RNF38: variants seen among roughly 807,000 people sequenced by gnomAD.
RNF38 encodes the protein E3 ubiquitin-protein ligase RNF38.
RNF38 carries 15 observed loss-of-function variants against 67.2 expected under a neutral mutation model. The observed-to-expected ratio is 0.22, with a 90% CI of 0.15 to 0.34. The LOEUF (loss-of-function observed/expected upper bound fraction) is 0.34. Ranked by LOEUF, RNF38 falls within the 10% of genes least tolerant of loss-of-function variation. The pLI is 1.00. For missense variants in RNF38, 524 were observed against 639.9 expected, an observed-to-expected ratio of 0.82 and a Z score of 1.95; for synonymous variants, 220 against 218.8, an observed-to-expected ratio of 1.01 and a Z score of -0.05.
intron 4 of RNF38, among the ~76,000 whole-genome samples, chr9:36,358,881 G>A (rs909357540): frequency 6.6e-6 from 1 of 152,080 alleles, no homozygotes; most frequent in Non-Finnish European, 1.5e-5. Context: ...AGTGGTGGCG[G>A]GTGCCTGTAA....
exon 2 of RNF38, chr9:36,424,647 T>C (rs189525424): frequency 1.0e-6 from 1 of 985,694 alleles, no homozygotes; most frequent in African/African-American, 1.7e-5. Context: ...GTGGTCGTGA[T>C]GGATGGACTG....
chr9:36,391,612 CTT>C lies in RNF38; in HGVS notation c.13-998_13-997del, dbSNP rs1158051513. The stretch of plus-strand genomic sequence containing the variant: ...CCAAAAACAAAGGCATCGTTTCCTA[CTT>C]TTTTTTTTTTTTTTTTTTGAGATGG... On this transcript the variant is annotated intron_variant, in intron 1 of 11. Transcript: ENST00000259605. 3.5e-3 allele frequency among the ~76,000 whole-genome samples: 472 copies of C among 134,588 alleles called. 2 individuals are homozygous for C. The highest frequency in any genetic ancestry group is 0.012 in the African/African-American group (443 of 36,516). The allele number at this position is 134,588 out of a possible 152,430, so 88.3% of individuals were successfully genotyped here. A position where few individuals can be genotyped will look rare whatever the true frequency, so the allele number is the denominator to read the frequency against.
intron 1 of RNF38, among the ~76,000 whole-genome samples, chr9:36,431,318 C>T (rs756126163): frequency 1.3e-5 from 2 of 152,114 alleles, no homozygotes; most frequent in African/African-American, 2.4e-5. Flanking sequence ...CCTACTGCCC[C>T]TAGAGCACAA....
rs1437592364 is a variant in RNF38 at position 36,339,225 on chromosome 9, A to G, written c.*527T>C. Reference sequence around the variant, plus strand: ...CATTGCAGCATAATTAAAACTACACACACATTCTTGGTACATGCTGGTATA... The same window carrying G: ...CATTGCAGCATAATTAAAACTACACGCACATTCTTGGTACATGCTGGTATA... On this transcript the variant is annotated 3_prime_UTR_variant, in exon 12 of 12. Transcript: ENST00000259605. 5 of 155,626 alleles carry G rather than the reference A, an allele frequency of 3.2e-5. No individual in the cohort carries two copies. The highest frequency in any genetic ancestry group is 1.2e-4 in the African/African-American group (5 of 41,476). 9.6% of individuals were successfully genotyped at this position (155,626 alleles called of 1,614,324 possible). A position where few individuals can be genotyped will look rare whatever the true frequency, so the allele number is the denominator to read the frequency against.
In RNF38 at chr9:36,393,477, T is replaced by TGTG. The variant is rs1554689571; in HGVS notation, c.13-2862_13-2861insCAC. On this transcript the variant is annotated intron_variant, in intron 1 of 11. Coordinates refer to ENST00000259605, the MANE Select transcript of RNF38 (RefSeq NM_022781.5). ...GGTAAAATAAAATCACACACACACA[T>TGTG]TGTGTGTGTGTGTGTGTGTGTGTGT... Among the ~76,000 whole-genome samples the TGTG allele has an allele frequency of 9.8e-3, 863 of 87,716 alleles. 7 individuals are homozygous for TGTG. The highest frequency in any genetic ancestry group is 0.021 in the African/African-American group (540 of 25,632). 57.5% of individuals were successfully genotyped at this position (87,716 alleles called of 152,430 possible).
At chr9:36,381,825 T>C (rs1057513223) in intron 2 of RNF38, among the ~76,000 whole-genome samples, 4 of 152,238 alleles carry the variant, frequency 2.6e-5, no homozygotes, top group Admixed American at 1.3e-4. Context: ...AGTGGGTACA[T>C]TTCCTTGGGA....
At chr9:36,399,762 C>T (rs554627552) in intron 1 of RNF38, among the ~76,000 whole-genome samples, 1 of 151,972 alleles carries the variant, frequency 6.6e-6, no homozygotes, top group East Asian at 1.9e-4. Flanking sequence ...TCCAACTGTC[C>T]CTATAAAAGG....
chr9:36,346,013 T>C (rs563814998), intron 9 of RNF38, among the ~76,000 whole-genome samples: 123 of 152,334 alleles, frequency 8.1e-4, no homozygotes, highest in African/African-American at 2.9e-3. Flanking sequence ...TCAAGATCCA[T>C]TAATTCATTA....
chr9:36,465,911 G>C (rs1839849822), intron 1 of RNF38, among the ~76,000 whole-genome samples: 1 of 152,142 alleles, frequency 6.6e-6, no homozygotes, highest in Non-Finnish European at 1.5e-5. Context: ...AATTAGCCGG[G>C]CATGGTGGCA....
intron 8 of RNF38, among the ~76,000 whole-genome samples, chr9:36,351,831 G>T (rs1833711512): frequency 6.6e-6 from 1 of 152,202 alleles, no homozygotes; most frequent in African/African-American, 2.4e-5. Flanking sequence ...CTTGAGAGGA[G>T]CAGGTAGGCA....
At chr9:36,458,365 C>A (rs1839641953) in intron 1 of RNF38, among the ~76,000 whole-genome samples, 1 of 152,192 alleles carries the variant, frequency 6.6e-6, no homozygotes, top group Non-Finnish European at 1.5e-5. Flanking sequence ...GCCACCCGAG[C>A]CAGCAGCAGC....
rs140294039 is a variant in RNF38, at chr9:36,476,065, A to G, written n.241+11243T>C. Among the ~76,000 whole-genome samples, 447 of 152,100 alleles carry G rather than the reference A, an allele frequency of 2.9e-3. 2 individuals are homozygous for G. Among genetic ancestry groups the G allele is most frequent in the Non-Finnish European group, 4.7e-3 (319 of 67,982 alleles). ...ATTATAAATGAGGCAAATAACCTAGATAATAGTTTACAATTAAGCTAAAAT... is the reference window on the plus strand; with the variant it reads ...ATTATAAATGAGGCAAATAACCTAGGTAATAGTTTACAATTAAGCTAAAAT... On this transcript the variant is annotated intron_variant and non_coding_transcript_variant, in intron 1 of 3. Coordinates refer to the RNF38 transcript ENST00000488058.
At chr9:36,441,972 C>T (rs1839201381) in intron 1 of RNF38, among the ~76,000 whole-genome samples, 1 of 152,160 alleles carries the variant, frequency 6.6e-6, no homozygotes, top group Non-Finnish European at 1.5e-5. Context: ...TGAATATTAG[C>T]CTACTCTTAG....
rs973981869 is a variant in RNF38 at position 36,337,384 on chromosome 9, T to C, written c.*2368A>G. ...GACCAAAACAGACCCTGCTGCCTCC[T>C]AAATTGCCAATTGCCTCTCAAAAAC... is the stretch of plus-strand genomic sequence containing the variant. On this transcript the variant is annotated 3_prime_UTR_variant, in exon 12 of 12. Coordinates refer to ENST00000259605, the MANE Select transcript of RNF38 (RefSeq NM_022781.5). The C allele has an allele frequency of 2.0e-5, 3 of 152,904 alleles. No homozygotes were observed. In the Admixed American group the frequency reaches 2.0e-4, roughly 10 times the overall value. 9.5% of individuals were successfully genotyped at this position (152,904 alleles called of 1,614,324 possible). A position where few individuals can be genotyped will look rare whatever the true frequency, so the allele number is the denominator to read the frequency against.
At chr9:36,486,398 A>C (rs1840411922) in intron 1 of RNF38, among the ~76,000 whole-genome samples, 1 of 152,024 alleles carries the variant, frequency 6.6e-6, no homozygotes, top group African/African-American at 2.4e-5. Flanking sequence ...TTTCTCGGGG[A>C]GTTCTCCAAG....
At chr9:36,484,878 A>G (rs1211962921) in intron 1 of RNF38, among the ~76,000 whole-genome samples, 1 of 152,054 alleles carries the variant, frequency 6.6e-6, no homozygotes, top group Non-Finnish European at 1.5e-5. Flanking sequence ...CTAAAAATGT[A>G]TGTATTGGCC....
At chr9:36,388,458 TGATA>T (rs1369760318) in intron 2 of RNF38, among the ~76,000 whole-genome samples, 1 of 151,968 alleles carries the variant, frequency 6.6e-6, no homozygotes, top group Non-Finnish European at 1.5e-5. Flanking sequence ...ATGACAGAAC[TGATA>T]AATAATAGAT....
intron 1 of RNF38, among the ~76,000 whole-genome samples, chr9:36,480,181 G>C (rs1294749447): frequency 6.6e-6 from 1 of 151,994 alleles, no homozygotes; most frequent in African/African-American, 2.4e-5. Flanking sequence ...GTTTCACCAT[G>C]TTGCTCAGGC....
chr9:36,480,237 C>G (rs1397297325), intron 1 of RNF38, among the ~76,000 whole-genome samples: 45 of 152,068 alleles, frequency 3.0e-4, no homozygotes, highest in Admixed American at 3.0e-3. Context: ...CCTCAGCCTC[C>G]CAAAGTGCTG....
Sources: allele counts gnomAD v4.1 joint callset (sites outside exome capture counted in the v4.1 genomes callset), GRCh38; gene constraint gnomAD v4.1.1; transcripts MANE v1.5; gene names NCBI Gene and HGNC (gene_info 2026-07-23, HGNC 2026-07-21).